SLC2A14: variants seen among roughly 807,000 people sequenced by gnomAD.
SLC2A14 encodes solute carrier family 2 member 14.
In SLC2A14, 13 loss-of-function variants were observed where a neutral mutation model predicts 43.0. The observed-to-expected ratio is 0.30, with a 90% CI of 0.20 to 0.48. The LOEUF is 0.48. SLC2A14 is among the 20% of genes least tolerant of loss of function. The probability of loss-of-function intolerance (pLI) is 0.99; values close to 1 mark genes in which losing one functional copy is unlikely to be tolerated. For missense variants in SLC2A14, 428 were observed against 620.4 expected (o/e 0.69, Z 3.29); for synonymous variants, 190 against 233.8 (o/e 0.81, Z 1.71).
At chr12:7,834,250 C>CT (rs983133615) in intron 2 of SLC2A14, among the ~76,000 whole-genome samples, 1 of 148,620 alleles carries the variant, frequency 6.7e-6, no homozygotes, top group Non-Finnish European at 1.5e-5. Context: ...CATTTTCTTT[C>CT]TTTTTTGTAG....
Position 7,855,623 on chromosome 12 carries a change from GCTC to G in SLC2A14, c.18+14237_18+14239del, listed in dbSNP as rs1867297133. Among the ~76,000 whole-genome samples the G allele has an allele frequency of 4.2e-5, 6 of 143,222 alleles. No individual in the cohort carries two copies. In the South Asian group the frequency reaches 1.3e-3, roughly 31 times the overall value. The allele number at this position is 143,222 out of a possible 152,430, so 94.0% of individuals were successfully genotyped here. On this transcript the variant is annotated intron_variant, in intron 2 of 10. Coordinates refer to ENST00000431042, the MANE Select transcript of SLC2A14 (RefSeq NM_001286234.2). ...ATGTACCACTGCTTCTTCCACAAAT[GCTC>G]CTTTTTTTTTCTTTTTCTTTGTTTT...
chr12:7,819,152 G>A (rs1229816160), intron 9 of SLC2A14, among the ~76,000 whole-genome samples: 3 of 148,284 alleles, frequency 2.0e-5, no homozygotes, highest in Non-Finnish European at 4.6e-5. Flanking sequence ...AGGAGGTAGA[G>A]GTTGTGGTGA....
chr12:7,823,850 T>C (rs1864132803), intron 7 of SLC2A14, among the ~76,000 whole-genome samples: 1 of 152,228 alleles, frequency 6.6e-6, no homozygotes, highest in Non-Finnish European at 1.5e-5. Context: ...CAATATTTAT[T>C]AGTCTTTTTG....
intron 8 of SLC2A14, among the ~76,000 whole-genome samples, chr12:7,820,983 A>G (rs1338606346): frequency 7.2e-5 from 11 of 152,140 alleles, no homozygotes; most frequent in Admixed American, 7.2e-4. Flanking sequence ...CTACTTCGGA[A>G]GGCTGAGGCA....
At chr12:7,826,732 T>C (rs1459658230) in intron 7 of SLC2A14, among the ~76,000 whole-genome samples, 1 of 152,098 alleles carries the variant, frequency 6.6e-6, no homozygotes, top group Non-Finnish European at 1.5e-5. Flanking sequence ...TAAACTATCA[T>C]GCTCCCTATT....
At chr12:7,885,527 T>C (rs1945673071) in intron 1 of SLC2A14, among the ~76,000 whole-genome samples, 2 of 149,362 alleles carry the variant, frequency 1.3e-5, no homozygotes, top group Admixed American at 1.4e-4. Flanking sequence ...CTATTGGAAA[T>C]GATTCATTAA....
intron 2 of SLC2A14, among the ~76,000 whole-genome samples, chr12:7,865,994 A>G (rs963276910): frequency 6.6e-5 from 10 of 152,034 alleles, no homozygotes; most frequent in Admixed American, 1.3e-4. Flanking sequence ...AGGCGGGTGG[A>G]TCATCTGAGG....
intron 2 of SLC2A14, among the ~76,000 whole-genome samples, chr12:7,862,532 G>A (rs917064737): frequency 3.9e-5 from 6 of 151,984 alleles, no homozygotes; most frequent in Non-Finnish European, 7.4e-5. Flanking sequence ...GCTCCACGGC[G>A]CCCAGTCCCA....
At chr12:7,887,293 T>G (rs1945703260) in intron 1 of SLC2A14, among the ~76,000 whole-genome samples, 1 of 151,876 alleles carries the variant, frequency 6.6e-6, no homozygotes, top group African/African-American at 2.4e-5. Context: ...ATCACCTGGT[T>G]TCAATGGTAG....
At chr12:7,890,975 G>T (rs2078835621) in intron 1 of SLC2A14, 3 of 1,528,560 alleles carry the variant, frequency 2.0e-6, no homozygotes, top group South Asian at 2.4e-5. Context: ...CTTGAAGCAT[G>T]ATCTATCTAG....
intron 1 of SLC2A14, among the ~76,000 whole-genome samples, chr12:7,887,545 T>C (rs1321893953): frequency 6.6e-6 from 1 of 150,684 alleles, no homozygotes; most frequent in Non-Finnish European, 1.5e-5. Context: ...CTAGTGATAG[T>C]AGGTAGATAA....
Position 7,862,264 on chromosome 12 carries a change from CAAAAAA to C in SLC2A14, c.18+7593_18+7598del, listed in dbSNP as rs71038792. The stretch of plus-strand genomic sequence containing the variant: ...GGGCTACAGAGCCAGACTTGTCTCT[CAAAAAA>C]AAAAAAAAAAAAAAAAAAGAAGACA... On this transcript the variant is annotated intron_variant, in intron 2 of 10. Transcript: ENST00000431042. 6.5e-4 allele frequency among the ~76,000 whole-genome samples: 38 copies of C among 58,904 alleles called. 1 individual carries two copies. The South Asian group carries it at 0.021, about 33-fold the overall frequency. 38.6% of individuals were successfully genotyped at this position (58,904 alleles called of 152,430 possible).
chr12:7,827,296 C>T (rs1386276450), intron 7 of SLC2A14, among the ~76,000 whole-genome samples, 199 bp downstream of exon 7: 2 of 111,326 alleles, frequency 1.8e-5, no homozygotes, highest in East Asian at 2.4e-4. Context: ...TTTTTTTAGA[C>T]GAAGTTTCTC....
At chr12:7,844,403 C>CA (rs1391372269) in intron 2 of SLC2A14, among the ~76,000 whole-genome samples, 1 of 152,150 alleles carries the variant, frequency 6.6e-6, no homozygotes, top group Non-Finnish European at 1.5e-5. Context: ...ATGTATGCAT[C>CA]ATTGTTTCCA....
rs765552651 is a variant in SLC2A14, at chr12:7,865,391, G to A, written c.18+4472C>T. 2.3e-4 allele frequency among the ~76,000 whole-genome samples: 35 copies of A among 152,018 alleles called. No homozygotes were observed. In the South Asian group the frequency reaches 6.8e-3, roughly 30 times the overall value. ...TCTCTACTAAAAACACAAAATATTC[G>A]CCGGGCGTGGTGGCACATGCCTGTA... On this transcript the variant is annotated intron_variant, in intron 2 of 10. Transcript: ENST00000431042.
intron 2 of SLC2A14, chr12:7,860,521 G>A (rs925190401): frequency 1.3e-5 from 2 of 152,074 alleles, no homozygotes; most frequent in African/African-American, 4.8e-5. Flanking sequence ...CAGCCACAGC[G>A]GGAAATCCTT....
At chr12:7,846,153 T>A (rs1565542068) in intron 2 of SLC2A14, among the ~76,000 whole-genome samples, 5 of 151,524 alleles carry the variant, frequency 3.3e-5, no homozygotes, top group Admixed American at 6.6e-5. Flanking sequence ...GCCCCTCCTA[T>A]CCCCCCAGAC....
intron 7 of SLC2A14, among the ~76,000 whole-genome samples, chr12:7,826,877 CTTTCTTTCTTTCT>C (rs1864447941): frequency 7.7e-5 from 2 of 26,128 alleles, no homozygotes; most frequent in African/African-American, 1.6e-4. Context: ...TTCTTTCTTT[CTTTCTTTCTTTCT>C]TTCTTTCTTT....
rs138233883 is a variant in SLC2A14 at position 7,888,797 on chromosome 12, CAA to C, written c.132+2197_132+2198del. 4.0e-3 allele frequency among the ~76,000 whole-genome samples: 418 copies of C among 104,316 alleles called. 1 individual carries two copies. The highest frequency in any genetic ancestry group is 5.8e-3 in the African/African-American group (159 of 27,308). The allele number at this position is 104,316 out of a possible 152,430, so 68.4% of individuals were successfully genotyped here. ...TGGGCAACAGAGCAAGACTCCGTCT[CAA>C]AAAAAAAAAAAAAAAAGAAAAAAGG... is the stretch of plus-strand genomic sequence containing the variant. On this transcript the variant is annotated intron_variant, in intron 1 of 9. Transcript: ENST00000539924.
Sources: allele counts gnomAD v4.1 joint callset (sites outside exome capture counted in the v4.1 genomes callset), GRCh38; gene constraint gnomAD v4.1.1; transcripts MANE v1.5; gene names NCBI Gene and HGNC (gene_info 2026-07-23, HGNC 2026-07-21).